Variants in DENND1A observed in about 807,000 individuals in gnomAD.
DENND1A encodes DENN domain-containing protein 1A.
A neutral mutation model predicts 113.7 loss-of-function variants in DENND1A; 51 were observed. That is an observed-to-expected ratio of 0.45 (90% CI 0.36 to 0.57). DENND1A has a LOEUF of 0.57. Among genes scored for constraint, DENND1A ranks in the 20% least tolerant of loss-of-function variants. The pLI is 0.00. For missense variants in DENND1A, 1,258 were observed against 1,395.9 expected, an observed-to-expected ratio of 0.90 and a Z score of 1.57; for synonymous variants, 565 against 570.8, an observed-to-expected ratio of 0.99 and a Z score of 0.14.
chr9:123,887,913 T>G (rs111522402), intron 1 of DENND1A, among the ~76,000 whole-genome samples: 1 of 152,306 alleles, frequency 6.6e-6, no homozygotes, highest in African/African-American at 2.4e-5. Context: ...GATATTAGAA[T>G]GTGCTCAAGG....
In DENND1A at chr9:123,380,749, C is replaced by A. The variant is rs113832382; in HGVS notation, c.*683G>T. 1.2e-4 allele frequency: 18 copies of A among 152,626 alleles called. No homozygotes were observed. The highest frequency in any genetic ancestry group is 3.9e-4 in the African/African-American group (16 of 41,450). The allele number at this position is 152,626 out of a possible 1,614,324, so 9.5% of individuals were successfully genotyped here. A position where few individuals can be genotyped will look rare whatever the true frequency, so the allele number is the denominator to read the frequency against. On this transcript the variant is annotated 3_prime_UTR_variant, in exon 24 of 24. Transcript: ENST00000394215. Reference sequence around the variant, plus strand: ...AAATCAAAGTTGCTGGTGCTCGCAGCCCCCGTGCAGGGTGGCTGGGGCTGT... The same window carrying A: ...AAATCAAAGTTGCTGGTGCTCGCAGACCCCGTGCAGGGTGGCTGGGGCTGT...
At chr9:123,544,040 A>T (rs973267291) in intron 13 of DENND1A, among the ~76,000 whole-genome samples, 2 of 152,210 alleles carry the variant, frequency 1.3e-5, no homozygotes, top group African/African-American at 4.8e-5. Flanking sequence ...TCAAAATTCC[A>T]TTGTTAATAC....
intron 5 of DENND1A, among the ~76,000 whole-genome samples, chr9:123,737,146 T>A (rs532339372): frequency 6.6e-6 from 1 of 152,214 alleles, no homozygotes; most frequent in Non-Finnish European, 1.5e-5. Flanking sequence ...ATATGGAATA[T>A]ATTTAAAATG....
At chr9:123,616,974 C>T (rs529063711) in intron 10 of DENND1A, among the ~76,000 whole-genome samples, 8 of 152,270 alleles carry the variant, frequency 5.3e-5, no homozygotes, top group Admixed American at 4.6e-4. Context: ...GGGTACACAA[C>T]GGAAGGGCCT....
At chr9:123,592,641 A>G (rs1345734446) in intron 11 of DENND1A, among the ~76,000 whole-genome samples, 2 of 152,140 alleles carry the variant, frequency 1.3e-5, no homozygotes, top group Non-Finnish European at 2.9e-5. Context: ...CTAGCTGTAC[A>G]TTTAGTGGGT....
At chr9:123,755,165 C>G (rs1337432781) in intron 5 of DENND1A, among the ~76,000 whole-genome samples, 2 of 150,676 alleles carry the variant, frequency 1.3e-5, no homozygotes, top group Admixed American at 6.6e-5. Flanking sequence ...CTCTGTCGCC[C>G]AGACTGGAGT....
chr9:123,531,077 G>T (rs2135350063), intron 13 of DENND1A, among the ~76,000 whole-genome samples: 1 of 152,210 alleles, frequency 6.6e-6, no homozygotes, highest in African/African-American at 2.4e-5. Flanking sequence ...ATTTAGAATT[G>T]TTAATTTATA....
At chr9:123,525,518 A>G (rs111817107) in intron 13 of DENND1A, among the ~76,000 whole-genome samples, 6 of 152,336 alleles carry the variant, frequency 3.9e-5, no homozygotes, top group African/African-American at 1.4e-4. Flanking sequence ...AGAAGGACAG[A>G]GAGAAGACAG....
Position 123,552,744 on chromosome 9 carries a change from C to T in DENND1A, c.993+4826G>A, listed in dbSNP as rs553104305. Among the ~76,000 whole-genome samples, 16 of 152,368 alleles carry T rather than the reference C, an allele frequency of 1.1e-4. No individual in the cohort carries two copies. In the East Asian group the frequency reaches 1.2e-3, roughly 11 times the overall value. Reference sequence around the variant, plus strand: ...TGTTCTCAGGCCCTGCCCTGGCACCCGCCTCAGGGGCCATTCCCTGCAGAC... The same window carrying T: ...TGTTCTCAGGCCCTGCCCTGGCACCTGCCTCAGGGGCCATTCCCTGCAGAC... On this transcript the variant is annotated intron_variant, in intron 13 of 23. Transcript: ENST00000394215.
intron 5 of DENND1A, among the ~76,000 whole-genome samples, chr9:123,690,142 G>A (rs2065096942): frequency 8.6e-6 from 1 of 116,510 alleles, no homozygotes; most frequent in South Asian, 3.8e-4. Flanking sequence ...AGAAGGAAAG[G>A]AGGGAGGGAG....
intron 13 of DENND1A, among the ~76,000 whole-genome samples, chr9:123,486,717 T>A (rs1204129673): frequency 6.6e-6 from 1 of 152,158 alleles, no homozygotes; most frequent in African/African-American, 2.4e-5. Context: ...ATCCCTGATA[T>A]CCAACTCCTC....
At chr9:123,611,822 C>T (rs1322645982) in intron 10 of DENND1A, among the ~76,000 whole-genome samples, 1 of 152,158 alleles carries the variant, frequency 6.6e-6, no homozygotes, top group African/African-American at 2.4e-5. Context: ...TAATGCTACA[C>T]CCTTTTGTCC....
At chr9:123,607,541 A>AGT (rs1323832387) in intron 11 of DENND1A, among the ~76,000 whole-genome samples, 9 of 127,178 alleles carry the variant, frequency 7.1e-5, no homozygotes, top group African/African-American at 2.1e-4. Flanking sequence ...AGAGAGAGAG[A>AGT]GAGAGAGTGT....
Position 123,381,776 on chromosome 9 carries a change from A to G in DENND1A, c.2869T>C (p.Phe957Leu). 6.6e-7 allele frequency: 1 copy of G among 1,514,420 alleles called. No homozygotes were observed. The highest frequency in any genetic ancestry group is 8.8e-7 in the Non-Finnish European group (1 of 1,131,392). The allele number at this position is 1,514,420 out of a possible 1,614,324, so 93.8% of individuals were successfully genotyped here. ...TGGGTGCCCATGGGCATCTGGCCAA[A>G]GAGGTTGGGCATGGAGAGGGCGGAG... ...NLSALSMPNL[F>L]GQMPMGTHTS... Residue 957 changes from phenylalanine (F) to leucine (L), a missense_variant, in exon 24 of 24, where the codon TTT becomes CTT. Transcript: ENST00000394215. This position sits in a 1 kb window ranked among gnomAD's most constrained non-coding sequence, Gnocchi z 4.7.
chr9:123,444,418 C>T (rs1251518713), intron 18 of DENND1A, among the ~76,000 whole-genome samples: 1 of 152,062 alleles, frequency 6.6e-6, no homozygotes, highest in East Asian at 1.9e-4. Context: ...CTTTGGGAGG[C>T]CAAGGTGGGC....
At chr9:123,774,313 A>G (rs1035378521) in intron 3 of DENND1A, among the ~76,000 whole-genome samples, 2 of 152,200 alleles carry the variant, frequency 1.3e-5, no homozygotes, top group Non-Finnish European at 2.9e-5. Context: ...AGCTAACAAA[A>G]TTTCTACCTT....
At chr9:123,403,643 TCA>T in intron 20 of DENND1A, 153 bp from the exon 21 acceptor site, 1 of 657,408 alleles carries the variant, frequency 1.5e-6, no homozygotes, top group South Asian at 1.8e-5. Context: ...CACAGAAACA[TCA>T]CCATCTAATA....
intron 13 of DENND1A, among the ~76,000 whole-genome samples, chr9:123,467,859 C>T (rs1402359129): frequency 6.6e-6 from 1 of 152,074 alleles, no homozygotes; most frequent in Non-Finnish European, 1.5e-5. Context: ...CTTATGACAC[C>T]CTGTCCACCT....
intron 5 of DENND1A, among the ~76,000 whole-genome samples, chr9:123,739,231 T>A (rs747939579): frequency 6.6e-5 from 10 of 152,096 alleles, no homozygotes; most frequent in Non-Finnish European, 1.3e-4. Flanking sequence ...AATTACCTTA[T>A]AGACACTGGA....
Sources: gnomAD v4.1 joint callset for allele counts (sites outside exome capture counted in the v4.1 genomes callset) on GRCh38, gnomAD v4.1.1 for gene constraint, Gnocchi (gnomAD v3.1) non-coding constraint, MANE v1.5 for transcripts, NCBI Gene and HGNC (gene_info 2026-07-23, HGNC 2026-07-21) for gene names.